The following ZNF503 variants were observed in gnomAD, a reference collection of about 807,000 sequenced individuals.
ZNF503 encodes zinc finger protein 503.
In ZNF503, 15 loss-of-function variants were observed where a neutral mutation model predicts 34.4. That is an observed-to-expected ratio of 0.44 (90% CI 0.29 to 0.67). ZNF503 has a LOEUF of 0.67. Ranked by LOEUF, ZNF503 falls within the 30% of genes least tolerant of loss-of-function variation. The pLI, the probability that ZNF503 is intolerant of heterozygous loss-of-function variation, is 0.13. For missense variants in ZNF503, 1,007 were observed against 926.8 expected, an observed-to-expected ratio of 1.09 and a Z score of -1.12; for synonymous variants, 580 against 456.8, an observed-to-expected ratio of 1.27 and a Z score of -3.44.
At chr10:75,306,000 A>G in the ZNF503 span, among the ~76,000 whole-genome samples, 2 of 152,322 alleles carry the variant, frequency 1.3e-5, no homozygotes, top group South Asian at 2.1e-4. Flanking sequence ...TGCTATTAAT[A>G]TGGGTGTACA....
chr10:75,283,240 G>A, the ZNF503 span: 3 of 152,312 alleles, frequency 2.0e-5, no homozygotes, highest in African/African-American at 7.2e-5. Flanking sequence ...TGATGAAAGG[G>A]GCAGGTGTGA....
At chr10:75,396,217 C>T (rs971353891), downstream of ZNF503, among the ~76,000 whole-genome samples, 1 of 152,184 alleles carries the variant, frequency 6.6e-6, no homozygotes, top group African/African-American at 2.4e-5. The surrounding 1 kb of genome is among the most constrained non-coding windows in gnomAD (Gnocchi z 4.4). Flanking sequence ...GAACCAGGCC[C>T]AGCTCAGCCT....
chr10:75,392,631 C>T, the ZNF503 span, among the ~76,000 whole-genome samples: 44 of 152,122 alleles, frequency 2.9e-4, no homozygotes, highest in East Asian at 7.2e-3. Flanking sequence ...TGGTGAGACA[C>T]GAGGTAGAGC....
chr10:75,401,061 G>A (rs1403075253), intron 1 of ZNF503, 44 bp downstream of exon 1: 3 of 1,612,694 alleles, frequency 1.9e-6, no homozygotes, highest in Non-Finnish European at 2.5e-6. Flanking sequence ...TAGGGTGGCA[G>A]CCAGGGTAGT....
At chr10:75,351,851 C>T in the ZNF503 span, among the ~76,000 whole-genome samples, 1 of 152,200 alleles carries the variant, frequency 6.6e-6, no homozygotes, top group Non-Finnish European at 1.5e-5. Context: ...GTGTGACTTT[C>T]AGTGAATTGC....
At chr10:75,311,327 A>C in the ZNF503 span, among the ~76,000 whole-genome samples, 1 of 151,940 alleles carries the variant, frequency 6.6e-6, no homozygotes, top group Admixed American at 6.6e-5. Flanking sequence ...TGCCTTTCCC[A>C]CTCCACTGAC....
At chr10:75,291,801 G>T in the ZNF503 span, among the ~76,000 whole-genome samples, 5 of 152,212 alleles carry the variant, frequency 3.3e-5, no homozygotes, top group Non-Finnish European at 7.3e-5. Context: ...GGCCCTGGAG[G>T]ACTTCTGAGA....
Position 75,399,557 on chromosome 10 carries a change from C to A in ZNF503, c.1133G>T (p.Gly378Val), listed in dbSNP as rs1442140327. ...AGYPPQFLPHGVALDPTKPGS... is the reference protein window; with the variant it reads ...AGYPPQFLPHVVALDPTKPGS... Reference sequence around the variant, plus strand: ...CGGCTTGGTGGGGTCAAGTGCCACGCCGTGTGGCAGGAACTGGGGCGGGTA... The same window carrying A: ...CGGCTTGGTGGGGTCAAGTGCCACGACGTGTGGCAGGAACTGGGGCGGGTA... Residue 378 changes from glycine (G) to valine (V), a missense_variant, in exon 2 of 2, where the codon GGC becomes GTC. Coordinates refer to ENST00000372524, the MANE Select transcript of ZNF503 (RefSeq NM_032772.6). 14 of 1,595,182 alleles carry A rather than the reference C, an allele frequency of 8.8e-6. No homozygotes were observed. The highest frequency in any genetic ancestry group is 1.2e-5 in the Non-Finnish European group (14 of 1,178,538).
chr10:75,360,415 C>T, the ZNF503 span, among the ~76,000 whole-genome samples: 169 of 152,218 alleles, frequency 1.1e-3, no homozygotes, highest in Admixed American at 4.2e-3. Context: ...CGTGAGCCAC[C>T]GTGACCGGCC....
chr10:75,299,906 A>G, the ZNF503 span, among the ~76,000 whole-genome samples: 1 of 152,384 alleles, frequency 6.6e-6, no homozygotes, highest in Non-Finnish European at 1.5e-5. Flanking sequence ...ACAGGACCAC[A>G]GGACCAGGTT....
the ZNF503 span, among the ~76,000 whole-genome samples, chr10:75,369,925 T>C: frequency 4.6e-5 from 7 of 152,022 alleles, no homozygotes; most frequent in African/African-American, 1.7e-4. Context: ...AAATTAGCCT[T>C]GCGTGGTGGT....
At chr10:75,353,011 C>T in the ZNF503 span, among the ~76,000 whole-genome samples, 15 of 152,276 alleles carry the variant, frequency 9.9e-5, no homozygotes, top group East Asian at 2.9e-3. Context: ...AGCTGTGTCC[C>T]GAGGGGGGGC....
chr10:75,356,726 G>C, the ZNF503 span, among the ~76,000 whole-genome samples: 3 of 152,144 alleles, frequency 2.0e-5, no homozygotes, highest in African/African-American at 4.8e-5. Flanking sequence ...CCCCACCCAG[G>C]TTCTCCCATT....
the ZNF503 span, among the ~76,000 whole-genome samples, chr10:75,349,475 A>C: frequency 6.6e-6 from 1 of 152,248 alleles, no homozygotes; most frequent in African/African-American, 2.4e-5. Context: ...TTAATGTATT[A>C]TTAATAATAG....
chr10:75,378,693 C>G, the ZNF503 span, among the ~76,000 whole-genome samples: 156 of 152,130 alleles, frequency 1.0e-3, 2 homozygotes, highest in Admixed American at 9.4e-3. Flanking sequence ...AGGTCAGCCT[C>G]GTGATAAATA....
chr10:75,374,140 C>T, the ZNF503 span, among the ~76,000 whole-genome samples: 4 of 152,156 alleles, frequency 2.6e-5, no homozygotes, highest in African/African-American at 9.7e-5. Context: ...ATGGTGAAAC[C>T]CAGTCTACTA....
the ZNF503 span, among the ~76,000 whole-genome samples, chr10:75,299,391 A>G: frequency 6.6e-6 from 1 of 152,112 alleles, no homozygotes; most frequent in African/African-American, 2.4e-5. Context: ...TTTTTTCTGC[A>G]TTTACTGAGT....
the ZNF503 span, among the ~76,000 whole-genome samples, chr10:75,379,628 GGC>G: frequency 6.6e-6 from 1 of 152,192 alleles, no homozygotes; most frequent in South Asian, 2.1e-4. Flanking sequence ...GAATACATTA[GGC>G]GGATCTTCAG....
the ZNF503 span, among the ~76,000 whole-genome samples, chr10:75,356,184 CT>C: frequency 1.3e-5 from 2 of 152,168 alleles, no homozygotes; most frequent in Non-Finnish European, 2.9e-5. Flanking sequence ...GGGGGTGGCA[CT>C]GGAGATACTA....
Sources: allele counts gnomAD v4.1 joint callset (sites outside exome capture counted in the v4.1 genomes callset), GRCh38; gene constraint gnomAD v4.1.1; non-coding constraint Gnocchi (gnomAD v3.1); transcripts MANE v1.5; gene names NCBI Gene and HGNC (gene_info 2026-07-23, HGNC 2026-07-21).